SLX4: variants seen among roughly 807,000 people sequenced by gnomAD.
SLX4 encodes structure-specific endonuclease subunit SLX4.
In SLX4, 112 loss-of-function variants were observed where a neutral mutation model predicts 146.2. That is an observed-to-expected ratio of 0.77 (90% confidence interval 0.66 to 0.90). SLX4 has a LOEUF of 0.90. Among genes scored for constraint, SLX4 ranks in the 40% least tolerant of loss-of-function variants. SLX4 has a pLI of 0.00. For synonymous variants in SLX4, 1,061 were observed against 997.7 expected (o/e 1.06, Z -1.20); for missense variants, 2,563 against 2,392.7 (o/e 1.07, Z -1.49).
intron 5 of SLX4, among the ~76,000 whole-genome samples, chr16:3,599,378 T>A (rs1326952944): frequency 6.6e-6 from 1 of 152,228 alleles, no homozygotes; most frequent in Non-Finnish European, 1.5e-5. Context: ...CTTTGTTCAC[T>A]ATGAACCTGG....
intron 9 of SLX4, 74 bp from the exon 10 acceptor site, chr16:3,594,673 G>A (rs1464002331): frequency 4.4e-6 from 7 of 1,600,350 alleles, no homozygotes; most frequent in South Asian, 1.1e-5. Flanking sequence ...GAAGCTCCCC[G>A]CATGGAGGTG....
At position 3,591,041 on chromosome 16, in the gene SLX4, T is replaced by C; in HGVS notation, c.2597A>G (p.Gln866Arg). The change falls in exon 12 of 15, where the codon CAG (glutamine) becomes CGG (arginine). Residue 866 changes from glutamine to arginine, a missense_variant. Physicochemically the swap from Gln to Arg is conservative, Grantham distance 43 (BLOSUM62 1). Transcript: ENST00000294008. ...GCCGGCACCCGCTGCCCTTTCTTCCTGGAGAAGCTTTCGCTGAGTAGCTGC... is the reference window on the plus strand; with the variant it reads ...GCCGGCACCCGCTGCCCTTTCTTCCCGGAGAAGCTTTCGCTGAGTAGCTGC... The part of the protein sequence containing the change: ...EFAATQRKLL[Q>R]EERAAGAGED... 2 of 1,614,200 alleles carry C rather than the reference T, an allele frequency of 1.2e-6. No homozygotes were observed. The highest frequency in any genetic ancestry group is 1.7e-6 in the Non-Finnish European group (2 of 1,180,050).
chr16:3,589,636 G>T lies in SLX4; in HGVS notation c.4002C>A (p.Asp1334Glu), dbSNP rs201826765. The T allele has an allele frequency of 3.7e-6, 6 of 1,614,014 alleles. No individual in the cohort carries two copies. The South Asian group carries it at 4.4e-5, about 12-fold the overall frequency. Residue 1334 changes from aspartate to glutamate, a missense_variant, in exon 12 of 15, where the codon GAC (aspartate) becomes GAA (glutamate). Coordinates refer to ENST00000294008, the MANE Select transcript of SLX4 (RefSeq NM_032444.4). This position sits in a 1 kb window ranked among gnomAD's most constrained non-coding sequence, Gnocchi z 6.2. Reference protein sequence around the residue: ...CLTPVSPGTSDGRRQGHRSPS... With the variant: ...CLTPVSPGTSEGRRQGHRSPS... Reference sequence around the variant, plus strand: ...GGCTTCTGTGGCCTTGCCTTCTGCCGTCAGAAGTTCCTGGAGAGACGGGAG... The same window carrying T: ...GGCTTCTGTGGCCTTGCCTTCTGCCTTCAGAAGTTCCTGGAGAGACGGGAG...
At chr16:3,606,791 G>T in intron 2 of SLX4, 93 bp from the exon 3 acceptor site, 1 of 1,363,598 alleles carries the variant, frequency 7.3e-7, no homozygotes, top group Non-Finnish European at 1.0e-6. Flanking sequence ...AGTTTCAAGA[G>T]TCCTTTATCA....
chr16:3,602,504 C>T (rs1456153090), intron 3 of SLX4, among the ~76,000 whole-genome samples, 197 bp from the exon 4 acceptor site: 4 of 152,314 alleles, frequency 2.6e-5, no homozygotes, highest in African/African-American at 4.8e-5. Flanking sequence ...CGGGAACAGC[C>T]GTCTCCAACT....
At chr16:3,609,655 G>A (rs1167356340) in intron 1 of SLX4, 89 bp from the exon 2 acceptor site, 1 of 152,500 alleles carries the variant, frequency 6.6e-6, no homozygotes, top group Non-Finnish European at 1.5e-5. Context: ...TGTGGGGTGA[G>A]GGAAAAGTCT....
At chr16:3,604,561 G>A (rs999426490) in intron 3 of SLX4, among the ~76,000 whole-genome samples, 1 of 152,008 alleles carries the variant, frequency 6.6e-6, no homozygotes, top group Non-Finnish European at 1.5e-5. Context: ...GGTGGCTCAC[G>A]TCTGTAATCC....
At chr16:3,585,446 C>T (rs1281441080) in intron 12 of SLX4, among the ~76,000 whole-genome samples, 2 of 151,760 alleles carry the variant, frequency 1.3e-5, no homozygotes, top group African/African-American at 4.8e-5. Flanking sequence ...ATTAGCTGGG[C>T]GTGGTGGCGG....
At chr16:3,595,306 C>T (rs2040638400) in intron 9 of SLX4, among the ~76,000 whole-genome samples, 1 of 152,236 alleles carries the variant, frequency 6.6e-6, no homozygotes, top group South Asian at 2.1e-4. Context: ...GGTCCCTCTA[C>T]ACTCCTGGGA....
chr16:3,601,927 C>T, intron 4 of SLX4, 191 bp downstream of exon 4: 1 of 624,688 alleles, frequency 1.6e-6, no homozygotes, highest in Non-Finnish European at 2.8e-6. Flanking sequence ...GTGATTTGTT[C>T]AGTTTAAATG....
chr16:3,582,215 G>T lies in SLX4; in HGVS notation c.*127C>A. Reference sequence around the variant, plus strand: ...GTGGTCATCATCACAGCGCAGAGCTGATGTGGTCCCCAGGCCCAGAAATGC... The same window carrying T: ...GTGGTCATCATCACAGCGCAGAGCTTATGTGGTCCCCAGGCCCAGAAATGC... On this transcript the variant is annotated 3_prime_UTR_variant, in exon 15 of 15. Transcript: ENST00000294008. 1 of 743,598 alleles carries T rather than the reference G, an allele frequency of 1.3e-6. No individual in the cohort carries two copies. Among genetic ancestry groups the T allele is most frequent in the Non-Finnish European group, 2.3e-6 (1 of 443,092 alleles). The allele number at this position is 743,598 out of a possible 1,614,324, so 46.1% of individuals were successfully genotyped here.
intron 1 of SLX4, among the ~76,000 whole-genome samples, chr16:3,610,911 G>A (rs915091288): frequency 3.3e-5 from 5 of 152,206 alleles, no homozygotes; most frequent in Non-Finnish European, 5.9e-5. Context: ...GTCAGGCTAG[G>A]CAAAGTGAAT....
rs1243824185 is a variant in SLX4, at chr16:3,597,443, C to T, written c.1619G>A (p.Trp540Ter). 1.2e-6 allele frequency: 2 copies of T among 1,611,370 alleles called. No homozygotes were observed. Residue 540 changes from tryptophan to a stop codon, truncating the protein, a stop_gained, in exon 7 of 15, where the codon TGG becomes TAG. Coordinates refer to ENST00000294008, the MANE Select transcript of SLX4 (RefSeq NM_032444.4). LOFTEE classifies it high-confidence loss of function. This position sits in a 1 kb window ranked among gnomAD's most constrained non-coding sequence, Gnocchi z 4.4. ...LWEGSALTGA[W>*]AMEDFYTARL... ...GGCCGTGTAGAAGTCCTCCATGGCCCAGGCCCCAGTCAGTGCGCTGCCCTC... is the reference window on the plus strand; with the variant it reads ...GGCCGTGTAGAAGTCCTCCATGGCCTAGGCCCCAGTCAGTGCGCTGCCCTC...
rs199774640 is a variant in SLX4, at chr16:3,600,980, T to A, written c.1162A>T (p.Ser388Cys). 52 of 1,613,470 alleles carry A rather than the reference T, an allele frequency of 3.2e-5. No homozygotes were observed. Among genetic ancestry groups the A allele is most frequent in the Non-Finnish European group, 4.3e-5 (51 of 1,180,018 alleles). Residue 388 changes from serine (S) to cysteine (C), a missense_variant and splice_region_variant, in exon 5 of 15, where the codon AGC becomes TGC. By Grantham distance (112) the Ser-to-Cys change is moderately radical (BLOSUM62 -1). Coordinates refer to ENST00000294008, the MANE Select transcript of SLX4 (RefSeq NM_032444.4). ...PEGSSSPPMF[S>C]FSDHSRGLKR... ...TTTTCTTCCTTTTCGTCGACTTACC[T>A]GAACATGGGTGGGCTGCTGCTACCC...
In SLX4 at chr16:3,591,118, T is replaced by C. The variant is rs773852244; in HGVS notation, c.2520A>G (p.Glu840=). 1 of 1,614,230 alleles carries C rather than the reference T, an allele frequency of 6.2e-7. No individual in the cohort carries two copies. Among genetic ancestry groups the C allele is most frequent in the East Asian group, 2.2e-5 (1 of 44,886 alleles). ...AETLLKSKDH[E]EDQENVNEAE... ...CTTCATTCACGTTTTCTTGATCTTC[T>C]TCGTGGTCCTTGGATTTCAACAAAG... The change falls in exon 12 of 15, where the codon GAA becomes GAG. Residue 840 remains glutamate, a synonymous_variant. Transcript: ENST00000294008.
At chr16:3,584,522 G>C (rs938702992) in intron 13 of SLX4, among the ~76,000 whole-genome samples, 1 of 152,168 alleles carries the variant, frequency 6.6e-6, no homozygotes, top group African/African-American at 2.4e-5. Context: ...TGACATGCAC[G>C]AATCCTGTGT....
chr16:3,599,754 T>C (rs1033043046), intron 5 of SLX4, among the ~76,000 whole-genome samples: 3 of 152,142 alleles, frequency 2.0e-5, no homozygotes, highest in African/African-American at 7.2e-5. Context: ...AGCCAGCTAA[T>C]TTTTTAATTT....
At chr16:3,593,640 A>G (rs1354055891) in intron 10 of SLX4, among the ~76,000 whole-genome samples, 2 of 152,182 alleles carry the variant, frequency 1.3e-5, no homozygotes, top group East Asian at 3.9e-4. Flanking sequence ...TATTGGGACT[A>G]GATATTCCAG....
At chr16:3,588,165 C>T (rs1015619738) in intron 12 of SLX4, among the ~76,000 whole-genome samples, 2 of 152,174 alleles carry the variant, frequency 1.3e-5, no homozygotes, top group African/African-American at 4.8e-5. Flanking sequence ...CAACCATCAC[C>T]TCTATCTATT....
Sources: allele counts gnomAD v4.1 joint callset (sites outside exome capture counted in the v4.1 genomes callset), GRCh38; gene constraint gnomAD v4.1.1; non-coding constraint Gnocchi (gnomAD v3.1); transcripts MANE v1.5; gene names NCBI Gene and HGNC (gene_info 2026-07-23, HGNC 2026-07-21).